Variants in EYS observed in about 807,000 individuals in gnomAD.
EYS encodes the protein EGF-like photoreceptor maintenance factor.
EYS carries 250 observed loss-of-function variants against 282.1 expected under a neutral mutation model. The observed-to-expected ratio is 0.89, with a 90% CI of 0.80 to 0.98. The LOEUF is 0.98. EYS is among the 50% of genes least tolerant of loss of function. EYS has a pLI of 0.00. For missense variants in EYS, 4,016 were observed against 3,709.0 expected, an observed-to-expected ratio of 1.08 and a Z score of -2.15; for synonymous variants, 1,355 against 1,282.9, an observed-to-expected ratio of 1.06 and a Z score of -1.20.
At position 65,058,997 on chromosome 6, in the gene EYS, T is replaced by A. The variant is rs756647083; in HGVS notation, c.2024-1270A>T. Among the ~76,000 whole-genome samples, 37 of 152,024 alleles carry A rather than the reference T, an allele frequency of 2.4e-4. 1 individual carries two copies. The highest frequency in any genetic ancestry group is 1.6e-3 in the Admixed American group (25 of 15,240). On this transcript the variant is annotated intron_variant, in intron 12 of 42. Transcript: ENST00000503581. ...CTACATCAAATTAATCTAATAGGAA[T>A]CAACGTACTGGACTAAATAGAAAAT...
intron 22 of EYS, among the ~76,000 whole-genome samples, chr6:64,726,144 AC>A (rs34628809): frequency 0.43 from 65,883 of 151,782 alleles, 17,689 homozygotes; most frequent in Non-Finnish European, 0.59. Flanking sequence ...ACAAAATTCA[AC>A]CAACCCTCGA....
chr6:64,482,093 G>A (rs903273357), intron 26 of EYS, among the ~76,000 whole-genome samples: 1 of 151,706 alleles, frequency 6.6e-6, no homozygotes, highest in African/African-American at 2.4e-5. Context: ...AACTCAATCA[G>A]TGACTGCTAG....
intron 35 of EYS, among the ~76,000 whole-genome samples, chr6:63,920,835 T>C (rs1764548348): frequency 6.6e-6 from 1 of 152,094 alleles, no homozygotes; most frequent in African/African-American, 2.4e-5. Flanking sequence ...GAGAAACTCT[T>C]TGTGACCTCA....
chr6:65,068,062 C>T (rs148829348), intron 12 of EYS, among the ~76,000 whole-genome samples: 8 of 152,112 alleles, frequency 5.3e-5, no homozygotes, highest in Non-Finnish European at 1.2e-4. Flanking sequence ...CAATTTTTGA[C>T]GTTATCTTCT....
At chr6:64,002,855 T>C (rs1768162342) in intron 33 of EYS, among the ~76,000 whole-genome samples, 1 of 152,226 alleles carries the variant, frequency 6.6e-6, no homozygotes, top group East Asian at 1.9e-4. Context: ...GATTTTTAAA[T>C]TGTGTCTTTT....
intron 1 of EYS, among the ~76,000 whole-genome samples, chr6:65,698,303 A>G (rs1769531596): frequency 6.6e-6 from 1 of 152,152 alleles, no homozygotes; most frequent in African/African-American, 2.4e-5. Context: ...GACAACATGG[A>G]GAGTTAATGA....
chr6:64,836,503 T>A (rs970432575), intron 19 of EYS, among the ~76,000 whole-genome samples: 6 of 151,578 alleles, frequency 4.0e-5, no homozygotes, highest in Non-Finnish European at 7.4e-5. Flanking sequence ...TAGGCAAAAT[T>A]TTCATGTCAA....
chr6:64,796,183 G>A (rs1315376774), intron 22 of EYS, among the ~76,000 whole-genome samples: 1 of 152,144 alleles, frequency 6.6e-6, no homozygotes, highest in Non-Finnish European at 1.5e-5. Flanking sequence ...ATTTATTCAT[G>A]TTTGCCCAAT....
At chr6:64,819,250 T>C (rs1764828610) in intron 21 of EYS, among the ~76,000 whole-genome samples, 1 of 152,200 alleles carries the variant, frequency 6.6e-6, no homozygotes, top group Admixed American at 6.6e-5. Context: ...TAATGATTAT[T>C]ATATCTCAAT....
At chr6:64,936,999 A>C (rs1322136429) in intron 15 of EYS, among the ~76,000 whole-genome samples, 3 of 151,548 alleles carry the variant, frequency 2.0e-5, no homozygotes, top group African/African-American at 7.2e-5. Flanking sequence ...AATCCTTACA[A>C]GTTTGTCTAA....
At chr6:64,487,415 C>T (rs1310055215) in intron 26 of EYS, among the ~76,000 whole-genome samples, 1 of 150,874 alleles carries the variant, frequency 6.6e-6, no homozygotes, top group African/African-American at 2.4e-5. Flanking sequence ...CCATAGAAAA[C>T]TAAAACCATA....
At chr6:64,216,177 C>G (rs1034575168) in intron 31 of EYS, among the ~76,000 whole-genome samples, 4 of 152,066 alleles carry the variant, frequency 2.6e-5, no homozygotes, top group Non-Finnish European at 5.9e-5. Flanking sequence ...GAAAAGAAGT[C>G]AGTAATGGAT....
chr6:64,259,842 G>T (rs919374366), intron 30 of EYS, among the ~76,000 whole-genome samples: 1 of 87,888 alleles, frequency 1.1e-5, no homozygotes, highest in Non-Finnish European at 2.6e-5. Flanking sequence ...TTTTATTATT[G>T]TTTTATCAAA....
intron 5 of EYS, among the ~76,000 whole-genome samples, chr6:65,484,613 A>T (rs1358490877): frequency 6.6e-6 from 1 of 152,206 alleles, no homozygotes; most frequent in African/African-American, 2.4e-5. Flanking sequence ...CAGAGAAGCT[A>T]CTAATAATGC....
chr6:64,257,731 G>C (rs961954404), intron 30 of EYS, among the ~76,000 whole-genome samples: 2 of 151,800 alleles, frequency 1.3e-5, no homozygotes, highest in Non-Finnish European at 2.9e-5. Context: ...AAGTATCCAG[G>C]AATGCTCACA....
chr6:65,143,807 A>G (rs1223280428), intron 12 of EYS, among the ~76,000 whole-genome samples: 1 of 152,100 alleles, frequency 6.6e-6, no homozygotes, highest in Non-Finnish European at 1.5e-5. Context: ...AACGTGGCTC[A>G]TTTATCTTTA....
At chr6:64,822,043 C>A (rs1450981862) in intron 20 of EYS, among the ~76,000 whole-genome samples, 1 of 152,036 alleles carries the variant, frequency 6.6e-6, no homozygotes, top group Non-Finnish European at 1.5e-5. Context: ...AGCTGCCAAC[C>A]TTCTTTCTCT....
chr6:64,633,626 CAAA>C (rs58815312), intron 22 of EYS, among the ~76,000 whole-genome samples: 333 of 140,570 alleles, frequency 2.4e-3, no homozygotes, highest in Middle Eastern at 7.3e-3. Context: ...CTTTTCTCAG[CAAA>C]AAAAAAAAAA....
intron 2 of EYS, among the ~76,000 whole-genome samples, chr6:65,521,865 G>A (rs1767385333): frequency 6.6e-6 from 1 of 151,928 alleles, no homozygotes; most frequent in African/African-American, 2.4e-5. Flanking sequence ...TGTCTCGTAG[G>A]GTTCTTGGTA....
Sources: allele counts gnomAD v4.1 joint callset (sites outside exome capture counted in the v4.1 genomes callset), GRCh38; gene constraint gnomAD v4.1.1; transcripts MANE v1.5; gene names NCBI Gene and HGNC (gene_info 2026-07-23, HGNC 2026-07-21).